Variants in THSD7B observed in about 807,000 individuals in gnomAD.
THSD7B encodes thrombospondin type-1 domain-containing protein 7B.
THSD7B carries 138 observed loss-of-function variants against 213.6 expected under a neutral mutation model. The ratio of observed to expected loss-of-function variants is 0.65; its 90% CI spans 0.56 to 0.74. The LOEUF (loss-of-function observed/expected upper bound fraction) is 0.74, where lower values mean the gene tolerates loss of function less well. Ranked by LOEUF, THSD7B falls within the 30% of genes least tolerant of loss-of-function variation. The pLI, the probability that THSD7B is intolerant of heterozygous loss-of-function variation, is 0.00. For synonymous variants in THSD7B, 742 were observed against 687.0 expected (o/e 1.08, Z -1.25); for missense variants, 1,931 against 1,991.5 (o/e 0.97, Z 0.58).
intron 5 of THSD7B, among the ~76,000 whole-genome samples, chr2:137,117,271 T>G (rs1864801): frequency 0.21 from 31,531 of 152,096 alleles, 3,348 homozygotes; most frequent in East Asian, 0.26. Flanking sequence ...AGATGTACCT[T>G]GACAAATCTG....
intron 7 of THSD7B, among the ~76,000 whole-genome samples, chr2:137,213,876 A>T (rs959050552): frequency 1.3e-5 from 2 of 152,112 alleles, no homozygotes; most frequent in African/African-American, 4.8e-5. Flanking sequence ...GGATCACCCC[A>T]GCTGTTTCGT....
intron 4 of THSD7B, among the ~76,000 whole-genome samples, chr2:137,097,861 A>G (rs1435248870): frequency 2.6e-5 from 4 of 152,022 alleles, no homozygotes; most frequent in Non-Finnish European, 5.9e-5. Context: ...ATTAACTGAA[A>G]TACCAATCAA....
chr2:137,343,431 A>G (rs1327931812), intron 12 of THSD7B, among the ~76,000 whole-genome samples: 1 of 151,610 alleles, frequency 6.6e-6, no homozygotes, highest in East Asian at 1.9e-4. Flanking sequence ...GTTTATAGTA[A>G]TTGCTTATTA....
intron 2 of THSD7B, among the ~76,000 whole-genome samples, chr2:137,028,936 A>C (rs1162740376): frequency 6.6e-6 from 1 of 152,180 alleles, no homozygotes; most frequent in Non-Finnish European, 1.5e-5. Context: ...ATATCCCTCC[A>C]AGCAAAGAAA....
Position 137,056,924 on chromosome 2 carries a change from T to G in THSD7B, c.644T>G (p.Leu215Trp), listed in dbSNP as rs773162747. 6.2e-7 allele frequency: 1 copy of G among 1,613,948 alleles called. No individual in the cohort carries two copies. The highest frequency in any genetic ancestry group is 8.5e-7 in the Non-Finnish European group (1 of 1,179,880). ...ATAGCTCCCCCTCTCTTTGGTGGTT[T>G]GCAATGTCCAAATCTGACTGAGTCA... ...AVIAPPLFGGLQCPNLTESRA... is the reference protein window; with the variant it reads ...AVIAPPLFGGWQCPNLTESRA... The change falls in exon 3 of 28, where the codon TTG (leucine) becomes TGG (tryptophan). Residue 215 changes from leucine (L) to tryptophan (W), a missense_variant. Coordinates refer to ENST00000409968, the MANE Select transcript of THSD7B (RefSeq NM_001316349.2).
chr2:137,044,999 T>C (rs1686944902), intron 2 of THSD7B, among the ~76,000 whole-genome samples: 1 of 152,244 alleles, frequency 6.6e-6, no homozygotes, highest in African/African-American at 2.4e-5. Flanking sequence ...CATGTTTCTC[T>C]TCCTGTCTTC....
At chr2:136,978,733 T>C (rs533019341) in intron 2 of THSD7B, among the ~76,000 whole-genome samples, 5 of 152,308 alleles carry the variant, frequency 3.3e-5, no homozygotes, top group African/African-American at 1.2e-4. Context: ...TCTTGACTCT[T>C]TATCCAGCTT....
intron 12 of THSD7B, among the ~76,000 whole-genome samples, chr2:137,331,511 G>C (rs946975722): frequency 6.6e-6 from 1 of 152,190 alleles, no homozygotes; most frequent in Non-Finnish European, 1.5e-5. Context: ...GGTTCTCCAC[G>C]TCCCCACCAG....
At chr2:137,480,150 C>T (rs1033903299) in intron 15 of THSD7B, among the ~76,000 whole-genome samples, 8 of 152,072 alleles carry the variant, frequency 5.3e-5, no homozygotes, top group South Asian at 2.1e-4. Flanking sequence ...TCTCTCTAGG[C>T]GATCTATTCA....
At chr2:137,068,636 C>A (rs1290388213) in intron 3 of THSD7B, among the ~76,000 whole-genome samples, 2 of 151,996 alleles carry the variant, frequency 1.3e-5, no homozygotes, top group Admixed American at 6.6e-5. Context: ...ATCATTAATA[C>A]CTGTGTATAC....
intron 12 of THSD7B, among the ~76,000 whole-genome samples, chr2:137,371,904 T>A (rs1685541045): frequency 6.6e-6 from 1 of 152,196 alleles, no homozygotes. Context: ...GTCTTTTCAT[T>A]CGCAAAGTTT....
intron 3 of THSD7B, among the ~76,000 whole-genome samples, chr2:137,082,194 A>G (rs993087039): frequency 2.0e-5 from 3 of 152,142 alleles, no homozygotes; most frequent in Middle Eastern, 3.4e-3. Flanking sequence ...AATTTTTTTC[A>G]TGGAATCTTT....
At chr2:137,167,323 C>G (rs1680157278) in intron 6 of THSD7B, among the ~76,000 whole-genome samples, 1 of 152,124 alleles carries the variant, frequency 6.6e-6, no homozygotes, top group South Asian at 2.1e-4. Flanking sequence ...GCCTCAGCCT[C>G]CTGAGTAGCT....
intron 12 of THSD7B, among the ~76,000 whole-genome samples, chr2:137,280,200 A>T (rs1682973640): frequency 6.6e-6 from 1 of 152,126 alleles, no homozygotes; most frequent in South Asian, 2.1e-4. Context: ...GTGCATTATG[A>T]ATCCATAAAA....
At chr2:137,629,996 A>G (rs1682710104) in intron 20 of THSD7B, among the ~76,000 whole-genome samples, 1 of 147,784 alleles carries the variant, frequency 6.8e-6, no homozygotes, top group Admixed American at 6.8e-5. Flanking sequence ...CCCAACTTCA[A>G]TTTTTTTTTT....
At chr2:137,626,434 C>G (rs1055603867) in intron 20 of THSD7B, among the ~76,000 whole-genome samples, 8 of 142,500 alleles carry the variant, frequency 5.6e-5, no homozygotes, top group East Asian at 2.0e-4. Flanking sequence ...ACTGCAGTAG[C>G]GCCTGGGCAA....
At chr2:137,307,426 G>A (rs140641344) in intron 12 of THSD7B, among the ~76,000 whole-genome samples, 85 of 152,116 alleles carry the variant, frequency 5.6e-4, no homozygotes, top group African/African-American at 2.0e-3. Context: ...AACATGTCTC[G>A]ACAACCCAGG....
intron 12 of THSD7B, among the ~76,000 whole-genome samples, chr2:137,322,643 AT>A (rs762769604): frequency 3.9e-5 from 6 of 152,336 alleles, no homozygotes; most frequent in Non-Finnish European, 8.8e-5. Flanking sequence ...CATTTCATAA[AT>A]ATCAGTTGAC....
chr2:137,612,938 G>A (rs1682314709), intron 17 of THSD7B, among the ~76,000 whole-genome samples: 1 of 152,082 alleles, frequency 6.6e-6, no homozygotes, highest in Admixed American at 6.6e-5. Context: ...TCACCCAGGT[G>A]GCAGAACCTT....
Sources: allele counts gnomAD v4.1 joint callset (sites outside exome capture counted in the v4.1 genomes callset), GRCh38; gene constraint gnomAD v4.1.1; transcripts MANE v1.5; gene names NCBI Gene and HGNC (gene_info 2026-07-23, HGNC 2026-07-21).